The following CXorf66 variants were observed in gnomAD, a reference collection of about 807,000 sequenced individuals.
The protein encoded by CXorf66 is chromosome X open reading frame 66, also known as uncharacterized protein CXorf66.
A neutral mutation model predicts 5.0 loss-of-function variants in CXorf66; 6 were observed. The ratio of observed to expected loss-of-function variants is 1.20; its 90% CI spans 0.65 to 2.36. The LOEUF (loss-of-function observed/expected upper bound fraction) is 2.36, where lower values mean the gene tolerates loss of function less well. Ranked by LOEUF, CXorf66 falls within the 30% of genes most tolerant of loss-of-function variation. CXorf66 has a pLI of 0.00. For synonymous variants in CXorf66, 98 were observed against 102.8 expected, an observed-to-expected ratio of 0.95 and a Z score of 0.28; for missense variants, 270 against 254.9, an observed-to-expected ratio of 1.06 and a Z score of -0.40.
chrX:139,961,495 T>A (rs1223903749), intron 1 of CXorf66, among the ~76,000 whole-genome samples: 1 of 111,484 alleles, frequency 9.0e-6, no homozygotes, highest in Non-Finnish European at 1.9e-5. Flanking sequence ...AACTTTAACA[T>A]CCCACTGTCA....
chrX:139,959,000 C>T (rs949391093), intron 1 of CXorf66, among the ~76,000 whole-genome samples: 2 of 112,007 alleles, frequency 1.8e-5, no homozygotes, highest in Middle Eastern at 4.6e-3. Flanking sequence ...GCTATTTGGG[C>T]AGACACAGAG....
chrX:139,963,266 T>G (rs1603422869), intron 1 of CXorf66, among the ~76,000 whole-genome samples: 2 of 111,602 alleles, frequency 1.8e-5, no homozygotes, highest in African/African-American at 6.5e-5. Context: ...TATACATCAA[T>G]AATAGATAAG....
At chrX:139,965,282 A>G in intron 1 of CXorf66, 127 bp downstream of exon 1, 2 of 483,010 alleles carry the variant, frequency 4.1e-6, no homozygotes, top group Non-Finnish European at 7.2e-6. Flanking sequence ...ATTCTTGAAG[A>G]CCTACTAATG....
intron 1 of CXorf66, among the ~76,000 whole-genome samples, chrX:139,960,605 G>A (rs1015712496): frequency 1.6e-4 from 18 of 110,641 alleles, no homozygotes; most frequent in African/African-American, 5.6e-4. Context: ...CTGGAGAAGA[G>A]CAACCCCAAG....
At chrX:139,961,003 T>C (rs997220114) in intron 1 of CXorf66, among the ~76,000 whole-genome samples, 3 of 111,596 alleles carry the variant, frequency 2.7e-5, no homozygotes, top group Non-Finnish European at 3.8e-5. Context: ...TCAATGACAC[T>C]ATGAAGAAAC....
intron 2 of CXorf66, 42 bp downstream of exon 2, chrX:139,958,022 C>T (rs1332915628): frequency 1.8e-6 from 2 of 1,141,989 alleles, no homozygotes; most frequent in African/African-American, 1.8e-5. Context: ...TATGTACACA[C>T]ACACACACCT....
In CXorf66 at chrX:139,956,086, A is replaced by G. The variant is rs371532440; in HGVS notation, c.896T>C (p.Val299Ala). The part of the protein sequence containing the change: ...AKEKNTQNLH[V>A]SSKVKSSSRS... ...GGAAGAGGACTTGACTTTGCTTGAA[A>G]CATGTAGGTTTTGAGTGTTTTTCTC... Residue 299 changes from valine to alanine, a missense_variant, in exon 3 of 3, where the codon GTT (valine) becomes GCT (alanine). By Grantham distance (64) the Val-to-Ala change is moderately conservative. Coordinates refer to ENST00000370540, the MANE Select transcript of CXorf66 (RefSeq NM_001013403.3). The G allele has an allele frequency of 1.7e-5, 21 of 1,209,678 alleles. No individual in the cohort carries two copies. Among genetic ancestry groups the G allele is most frequent in the Non-Finnish European group, 2.3e-5 (21 of 894,931 alleles).
chrX:139,959,226 T>TG (rs1439665961), intron 1 of CXorf66, among the ~76,000 whole-genome samples: 1 of 110,839 alleles, frequency 9.0e-6, no homozygotes, highest in African/African-American at 3.3e-5. Flanking sequence ...TGGAGCTTGG[T>TG]GGGGGGAGGG....
rs762631672 is a variant in CXorf66, at chrX:139,956,050, C to T, written c.932G>A (p.Arg311His). 34 of 1,209,172 alleles carry T rather than the reference C, an allele frequency of 2.8e-5. No individual in the cohort carries two copies. Among genetic ancestry groups the T allele is most frequent in the East Asian group, 2.1e-4 (7 of 33,757 alleles). Reference sequence around the variant, plus strand: ...TGCATTGTTCCTGGAATCTAACTTACGAAAGGACCTGGAAGAGGACTTGAC... The same window carrying T: ...TGCATTGTTCCTGGAATCTAACTTATGAAAGGACCTGGAAGAGGACTTGAC... ...SKVKSSSRSF[R>H]KLDSRNNAYG... Residue 311 changes from arginine (R) to histidine (H), a missense_variant, in exon 3 of 3, where the codon CGT becomes CAT. Coordinates refer to ENST00000370540, the MANE Select transcript of CXorf66 (RefSeq NM_001013403.3).
At chrX:139,958,031 CT>C in intron 2 of CXorf66, 32 bp downstream of exon 2, 1 of 1,161,778 alleles carries the variant, frequency 8.6e-7, no homozygotes, top group Admixed American at 2.6e-5. Flanking sequence ...ACACACACAC[CT>C]CGCACTCTTA....
At position 139,960,846 on chromosome X, in the gene CXorf66, G is replaced by A. The variant is rs751137414; in HGVS notation, c.89-2629C>T. 2.7e-5 allele frequency among the ~76,000 whole-genome samples: 3 copies of A among 111,641 alleles called. No individual in the cohort carries two copies. In the Admixed American group the frequency reaches 2.9e-4, roughly 11 times the overall value. ...GTCAAACTAAGTTTCATAAATGAAA[G>A]AGAAATAAAATCCTTTCCAGACAAG... is the stretch of plus-strand genomic sequence containing the variant. On this transcript the variant is annotated intron_variant, in intron 1 of 2. Transcript: ENST00000370540.
Position 139,961,449 on chromosome X carries a change from C to A in CXorf66, c.89-3232G>T, listed in dbSNP as rs540198499. Among the ~76,000 whole-genome samples, 30 of 111,997 alleles carry A rather than the reference C, an allele frequency of 2.7e-4. No individual in the cohort carries two copies. In the South Asian group the frequency reaches 0.01, roughly 39 times the overall value. On this transcript the variant is annotated intron_variant, in intron 1 of 2. Coordinates refer to ENST00000370540, the MANE Select transcript of CXorf66 (RefSeq NM_001013403.3). The stretch of plus-strand genomic sequence containing the variant: ...CATACAACAAACTCTTAGACACCTA[C>A]AAAGAGACTTAGACTCCCACACAAT...
rs755111772 is a variant in CXorf66, at chrX:139,958,200, A to G, written c.106T>C (p.Ser36Pro). The G allele has an allele frequency of 4.0e-5, 48 of 1,188,328 alleles. No individual in the cohort carries two copies. The highest frequency in any genetic ancestry group is 4.6e-5 in the Non-Finnish European group (41 of 885,246). ...SSTTGDKPVE[S>P]MQTKLNYLRR... is the part of the protein sequence containing the mutation. ...AGGTAGTTCAATTTTGTCTGCATTG[A>G]TTCAACAGGTTTATCTCCTGCAAAG... is the stretch of plus-strand genomic sequence containing the variant. The change falls in exon 2 of 3, where the codon TCA becomes CCA. Residue 36 changes from serine to proline, a missense_variant. Ser to Pro is a moderately conservative substitution (Grantham distance 74). Coordinates refer to ENST00000370540, the MANE Select transcript of CXorf66 (RefSeq NM_001013403.3).
chrX:139,958,122 T>A lies in CXorf66; in HGVS notation c.184A>T (p.Ile62Phe), dbSNP rs750460445. The A allele has an allele frequency of 2.5e-6, 3 of 1,205,218 alleles. No homozygotes were observed. The South Asian group carries it at 5.4e-5, about 22-fold the overall frequency. Residue 62 changes from isoleucine to phenylalanine, a missense_variant, in exon 2 of 3, where the codon ATC (isoleucine) becomes TTC (phenylalanine). Physicochemically the swap from Ile to Phe is conservative, Grantham distance 21 (BLOSUM62 0). Transcript: ENST00000370540. ...TTATAATGGAGATAACAAAAACAGA[T>A]AAAGACAAAAACCATGATGATAATA... Reference protein sequence around the residue: ...VGIIIMVFVFICFCYLHYNCL... With the variant: ...VGIIIMVFVFFCFCYLHYNCL...
chrX:139,955,885 T>G lies in CXorf66; in HGVS notation c.*11A>C. On this transcript the variant is annotated 3_prime_UTR_variant, in exon 3 of 3. Transcript: ENST00000370540. ...GCTCTTTCACACTTGGATTTTATTT[T>G]TGTTGAGCTCCTAATCATTTAGGGT... 5 of 1,163,632 alleles carry G rather than the reference T, an allele frequency of 4.3e-6. No homozygotes were observed. Among genetic ancestry groups the G allele is most frequent in the Non-Finnish European group, 5.7e-6 (5 of 873,491 alleles).
intron 1 of CXorf66, among the ~76,000 whole-genome samples, chrX:139,963,453 G>C (rs1385564245): frequency 8.9e-6 from 1 of 111,913 alleles, no homozygotes; most frequent in Non-Finnish European, 1.9e-5. Flanking sequence ...CTCATGGATA[G>C]GAAGAATCAA....
intron 1 of CXorf66, among the ~76,000 whole-genome samples, chrX:139,963,213 G>T (rs1043335900): frequency 2.7e-5 from 3 of 111,981 alleles, no homozygotes; most frequent in African/African-American, 9.8e-5. Flanking sequence ...ATTCAGCAAA[G>T]TCTCAGGATA....
intron 1 of CXorf66, among the ~76,000 whole-genome samples, chrX:139,960,937 A>T (rs2085591230): frequency 8.9e-6 from 1 of 111,897 alleles, no homozygotes; most frequent in Non-Finnish European, 1.9e-5. Context: ...GAAGCACTAA[A>T]TATAGAAAGC....
rs368470145 is a variant in CXorf66, at chrX:139,956,042, C to T, written c.940G>A (p.Asp314Asn). 9 of 1,211,254 alleles carry T rather than the reference C, an allele frequency of 7.4e-6. No individual in the cohort carries two copies. The South Asian group carries it at 1.6e-4, about 21-fold the overall frequency. The change falls in exon 3 of 3, where the codon GAT (aspartate) becomes AAT (asparagine). Residue 314 changes from aspartate (D) to asparagine (N), a missense_variant. By Grantham distance (23) the Asp-to-Asn change is conservative. Transcript: ENST00000370540. ...TCACCGTATGCATTGTTCCTGGAAT[C>T]TAACTTACGAAAGGACCTGGAAGAG... Reference protein sequence around the residue: ...KSSSRSFRKLDSRNNAYGDHV... With the variant: ...KSSSRSFRKLNSRNNAYGDHV...
Sources: allele counts gnomAD v4.1 joint callset (sites outside exome capture counted in the v4.1 genomes callset), GRCh38; gene constraint gnomAD v4.1.1; transcripts MANE v1.5; gene names NCBI Gene and HGNC (gene_info 2026-07-23, HGNC 2026-07-21).